Variants in DCC observed in about 807,000 individuals in gnomAD.
The protein encoded by DCC is DCC netrin 1 receptor, also known as netrin receptor DCC.
A neutral mutation model predicts 172.5 loss-of-function variants in DCC; 58 were observed. That is an observed-to-expected ratio of 0.34 (90% confidence interval 0.27 to 0.42). The LOEUF is 0.42. Ranked by LOEUF, DCC falls within the 10% of genes least tolerant of loss-of-function variation. The probability of loss-of-function intolerance (pLI) is 1.00; values close to 1 mark genes in which losing one functional copy is unlikely to be tolerated. For missense variants in DCC, 1,740 were observed against 1,791.0 expected, an observed-to-expected ratio of 0.97 and a Z score of 0.51; for synonymous variants, 709 against 644.5, an observed-to-expected ratio of 1.10 and a Z score of -1.52.
intron 13 of DCC, among the ~76,000 whole-genome samples, chr18:53,308,988 G>A (rs1027574621): frequency 6.6e-6 from 1 of 151,906 alleles, no homozygotes; most frequent in Non-Finnish European, 1.5e-5. Flanking sequence ...TCTAATCTCT[G>A]CCTCCATCTT....
At chr18:52,512,140 G>C (rs2031463794) in intron 1 of DCC, among the ~76,000 whole-genome samples, 2 of 152,156 alleles carry the variant, frequency 1.3e-5, no homozygotes, top group Admixed American at 6.5e-5. Context: ...TTATGAGAAT[G>C]TGTGTAATAG....
At chr18:53,449,980 T>C (rs867266119) in intron 22 of DCC, among the ~76,000 whole-genome samples, 1 of 152,188 alleles carries the variant, frequency 6.6e-6, no homozygotes, top group Non-Finnish European at 1.5e-5. Flanking sequence ...GGATATTTCA[T>C]ATAAATAGAA....
chr18:52,545,239 G>T (rs1342951108), intron 1 of DCC, among the ~76,000 whole-genome samples: 1 of 152,192 alleles, frequency 6.6e-6, no homozygotes, highest in Non-Finnish European at 1.5e-5. Context: ...CCTGGGAACT[G>T]TGGGGAAGTA....
intron 2 of DCC, among the ~76,000 whole-genome samples, chr18:52,762,750 G>A (rs1460888045): frequency 1.3e-5 from 2 of 152,038 alleles, no homozygotes; most frequent in Non-Finnish European, 2.9e-5. Context: ...TTGAGCCCAG[G>A]AGTTTGAGGC....
Position 53,322,619 on chromosome 18 carries a change from G to T in DCC, c.2164+462G>T, listed in dbSNP as rs541433771. ...ATGATATTATCATTACCTTTTCTTG[G>T]TATAAAAGACAACTTACTTTATTTG... On this transcript the variant is annotated intron_variant, in intron 14 of 28. Coordinates refer to ENST00000442544, the MANE Select transcript of DCC (RefSeq NM_005215.4). Among the ~76,000 whole-genome samples the T allele has an allele frequency of 9.9e-5, 15 of 151,546 alleles. No homozygotes were observed. In the South Asian group the frequency reaches 3.1e-3, roughly 32 times the overall value.
chr18:52,363,059 G>C (rs1192452427), intron 1 of DCC, among the ~76,000 whole-genome samples: 1 of 152,078 alleles, frequency 6.6e-6, no homozygotes, highest in African/African-American at 2.4e-5. Flanking sequence ...CCAACACGTA[G>C]TAGAGATGGG....
chr18:52,498,191 G>A (rs1357504867), intron 1 of DCC, among the ~76,000 whole-genome samples: 1 of 152,140 alleles, frequency 6.6e-6, no homozygotes, highest in African/African-American at 2.4e-5. Flanking sequence ...AAGAACAGGT[G>A]GTGGGCCAGA....
intron 5 of DCC, among the ~76,000 whole-genome samples, chr18:52,963,606 T>G (rs149153486): frequency 0.013 from 2,045 of 152,010 alleles, 61 homozygotes; most frequent in African/African-American, 0.047. Context: ...CATTTTTGAG[T>G]GGGAAGGTGT....
intron 1 of DCC, among the ~76,000 whole-genome samples, chr18:52,494,454 C>A (rs1226256133): frequency 7.2e-5 from 11 of 151,946 alleles, no homozygotes; most frequent in Admixed American, 1.3e-4. Flanking sequence ...TAATAGTATT[C>A]CAATTACCTG....
intron 8 of DCC, 141 bp from the exon 9 acceptor site, chr18:53,178,821 G>A: frequency 2.6e-6 from 2 of 782,252 alleles, no homozygotes; most frequent in Non-Finnish European, 2.2e-6. Context: ...AAAGTCTGAG[G>A]TCTTGAATTA....
intron 4 of DCC, among the ~76,000 whole-genome samples, chr18:52,924,247 G>C (rs1943127): frequency 0.39 from 59,386 of 151,632 alleles, 12,188 homozygotes; most frequent in Non-Finnish European, 0.47. Context: ...ATGATCATCA[G>C]TTCAACTGTG....
At chr18:53,392,013 A>G in intron 17 of DCC, 126 bp downstream of exon 17, 1 of 692,068 alleles carries the variant, frequency 1.4e-6, no homozygotes, top group Non-Finnish European at 2.6e-6. Context: ...AAAACAAAGC[A>G]TTTTAATAAC....
intron 5 of DCC, among the ~76,000 whole-genome samples, chr18:53,051,279 T>C (rs1370949198): frequency 6.6e-6 from 1 of 152,110 alleles, no homozygotes; most frequent in African/African-American, 2.4e-5. Context: ...GCATAATTGA[T>C]GAAGTCCCTG....
chr18:53,194,044 A>G (rs192979620), intron 9 of DCC, among the ~76,000 whole-genome samples: 10 of 152,318 alleles, frequency 6.6e-5, no homozygotes, highest in Non-Finnish European at 1.5e-4. Flanking sequence ...ATACAAGCCA[A>G]TTTTGAGAAA....
chr18:53,041,419 C>G (rs1184920582), intron 5 of DCC, among the ~76,000 whole-genome samples: 1 of 151,994 alleles, frequency 6.6e-6, no homozygotes, highest in Non-Finnish European at 1.5e-5. Flanking sequence ...TTACTGTAGC[C>G]TTGTAGTATA....
intron 3 of DCC, among the ~76,000 whole-genome samples, chr18:52,911,539 T>G (rs183663048): frequency 4.7e-4 from 72 of 152,208 alleles, no homozygotes; most frequent in Non-Finnish European, 9.0e-4. Context: ...TATTAACTAC[T>G]TATTATAACA....
At chr18:52,749,241 A>G (rs2036958167) in intron 1 of DCC, among the ~76,000 whole-genome samples, 1 of 152,192 alleles carries the variant, frequency 6.6e-6, no homozygotes, top group Admixed American at 6.5e-5. Flanking sequence ...CAATCAGGAA[A>G]GAACAGGCAA....
chr18:52,486,193 T>G (rs1208692333), intron 1 of DCC, among the ~76,000 whole-genome samples: 1 of 152,082 alleles, frequency 6.6e-6, no homozygotes, highest in Non-Finnish European at 1.5e-5. Context: ...ATTTTAAACT[T>G]TAGTGAGCAT....
At chr18:53,020,092 A>G (rs1327087952) in intron 5 of DCC, among the ~76,000 whole-genome samples, 3 of 152,122 alleles carry the variant, frequency 2.0e-5, no homozygotes, top group African/African-American at 7.2e-5. Context: ...TACATCTACA[A>G]CCCAGCCCCA....
Sources: allele counts gnomAD v4.1 joint callset (sites outside exome capture counted in the v4.1 genomes callset), GRCh38; gene constraint gnomAD v4.1.1; transcripts MANE v1.5; gene names NCBI Gene and HGNC (gene_info 2026-07-23, HGNC 2026-07-21).